The following BRIP1 variants were observed in gnomAD, a reference collection of about 807,000 sequenced individuals.
BRIP1 encodes Fanconi anemia group J protein.
Under a neutral mutation model 119.7 loss-of-function variants are expected in BRIP1, and 88 were observed. The observed-to-expected ratio is 0.74, with a 90% CI of 0.62 to 0.88. The LOEUF is 0.88. BRIP1 is among the 40% of genes least tolerant of loss of function. The pLI is 0.00. For synonymous variants in BRIP1, 443 were observed against 496.5 expected (o/e 0.89, Z 1.43); for missense variants, 1,259 against 1,455.4 (o/e 0.87, Z 2.20).
intron 6 of BRIP1, among the ~76,000 whole-genome samples, chr17:61,826,060 G>T (rs1203861851): frequency 6.6e-6 from 1 of 152,082 alleles, no homozygotes; most frequent in Non-Finnish European, 1.5e-5. Flanking sequence ...CAGATACATA[G>T]ACCAATGAAA....
Position 61,831,190 on chromosome 17 carries a change from T to A in BRIP1, c.627+15911A>T, listed in dbSNP as rs1235446196. On this transcript the variant is annotated intron_variant, in intron 6 of 19. Transcript: ENST00000259008. The surrounding 1 kb of genome is among the most constrained non-coding windows in gnomAD (Gnocchi z 4.1). ...CATACAGAACAGTGAGGGACCAGAA[T>A]GTTTTCCACCACAAGGTTGTGAACA... 3.3e-5 allele frequency among the ~76,000 whole-genome samples: 5 copies of A among 152,210 alleles called. No individual in the cohort carries two copies.
chr17:61,727,246 T>C (rs762040067), intron 16 of BRIP1, among the ~76,000 whole-genome samples: 7 of 152,128 alleles, frequency 4.6e-5, no homozygotes, highest in Non-Finnish European at 8.8e-5. Context: ...AATAGTAGCA[T>C]AAAAAGTAAA....
At chr17:61,697,842 G>A (rs887654198) in intron 17 of BRIP1, among the ~76,000 whole-genome samples, 2 of 150,932 alleles carry the variant, frequency 1.3e-5, no homozygotes, top group Non-Finnish European at 2.9e-5. Flanking sequence ...GTCTCGCTCT[G>A]TCAGCCAGGA....
rs941022773 is a variant in BRIP1 at position 61,770,870 on chromosome 17, A to G, written c.2097+5531T>C. On this transcript the variant is annotated intron_variant, in intron 14 of 19. Coordinates refer to ENST00000259008, the MANE Select transcript of BRIP1 (RefSeq NM_032043.3). The surrounding 1 kb of genome is among the most constrained non-coding windows in gnomAD (Gnocchi z 4.7). Reference sequence around the variant, plus strand: ...GGCAATGATAGAGAAATAGAGGGGGAAAAGGCACCAGATATACAGAAAACA... The same window carrying G: ...GGCAATGATAGAGAAATAGAGGGGGGAAAGGCACCAGATATACAGAAAACA... Among the ~76,000 whole-genome samples the G allele has an allele frequency of 2.0e-5, 3 of 152,308 alleles. No individual in the cohort carries two copies. Among genetic ancestry groups the G allele is most frequent in the African/African-American group, 7.2e-5 (3 of 41,576 alleles).
rs1252625808 is a variant in BRIP1 at position 61,848,564 on chromosome 17, T to C, written c.507+565A>G. On this transcript the variant is annotated intron_variant, in intron 5 of 19. Coordinates refer to ENST00000259008, the MANE Select transcript of BRIP1 (RefSeq NM_032043.3). This position sits in a 1 kb window ranked among gnomAD's most constrained non-coding sequence, Gnocchi z 4.3. The stretch of plus-strand genomic sequence containing the variant: ...AAATCTATTAAAATCCCAGCCTTCC[T>C]ATCTCACTGCCATGAATTCTGAGAA... Among the ~76,000 whole-genome samples, 3 of 152,192 alleles carry C rather than the reference T, an allele frequency of 2.0e-5. No homozygotes were observed. The highest frequency in any genetic ancestry group is 4.4e-5 in the Non-Finnish European group (3 of 68,036).
Position 61,716,060 on chromosome 17 carries a change from C to T in BRIP1, c.2383G>A (p.Glu795Lys). Residue 795 changes from glutamate to lysine, a missense_variant, in exon 17 of 20, where the codon GAA becomes AAA. Coordinates refer to ENST00000259008, the MANE Select transcript of BRIP1 (RefSeq NM_032043.3). ...PFPNVKDLQV[E>K]LKRQYNDHHS... ...TGGTCATTGTATTGTCGTTTTAGTTCAACCTAATAATTTTAAAATATATTT... is the reference window on the plus strand; with the variant it reads ...TGGTCATTGTATTGTCGTTTTAGTTTAACCTAATAATTTTAAAATATATTT... The T allele has an allele frequency of 6.4e-7, 1 of 1,572,026 alleles. No individual in the cohort carries two copies. The highest frequency in any genetic ancestry group is 8.7e-7 in the Non-Finnish European group (1 of 1,151,150).
intron 3 of BRIP1, among the ~76,000 whole-genome samples, chr17:61,858,273 C>T (rs115020105): frequency 6.6e-6 from 1 of 152,236 alleles, no homozygotes; most frequent in African/African-American, 2.4e-5. Flanking sequence ...TTCCAGACAT[C>T]TGCCATTAAG....
intron 4 of BRIP1, among the ~76,000 whole-genome samples, chr17:61,850,260 G>A (rs901272953): frequency 1.3e-5 from 2 of 151,766 alleles, no homozygotes; most frequent in African/African-American, 4.8e-5. Flanking sequence ...GTGCCACCAC[G>A]CCTGGCTAAT....
At chr17:61,839,591 T>C (rs530071643) in intron 6 of BRIP1, among the ~76,000 whole-genome samples, 6 of 152,254 alleles carry the variant, frequency 3.9e-5, no homozygotes, top group Admixed American at 1.3e-4. Context: ...TCTTACATCT[T>C]CTTGCAAACA....
At chr17:61,719,333 G>A (rs946776662) in intron 16 of BRIP1, among the ~76,000 whole-genome samples, 2 of 151,572 alleles carry the variant, frequency 1.3e-5, no homozygotes, top group Admixed American at 6.6e-5. Context: ...TGTTATTCAC[G>A]GCAACATGGA....
rs1240391643 is a variant in BRIP1 at position 61,699,539 on chromosome 17, A to G, written c.2493-6027T>C. 1.3e-5 allele frequency among the ~76,000 whole-genome samples: 2 copies of G among 152,328 alleles called. No homozygotes were observed. The highest frequency in any genetic ancestry group is 2.9e-5 in the Non-Finnish European group (2 of 68,020). On this transcript the variant is annotated intron_variant, in intron 17 of 19. Coordinates refer to ENST00000259008, the MANE Select transcript of BRIP1 (RefSeq NM_032043.3). The surrounding 1 kb of genome is among the most constrained non-coding windows in gnomAD (Gnocchi z 4.8). ...GCCAACTTAATTTCAATAGTACAAA[A>G]AAATGGTCCTTCTGTTCCCTCATCT...
chr17:61,854,155 A>G (rs79586857), intron 4 of BRIP1, among the ~76,000 whole-genome samples: 1 of 152,154 alleles, frequency 6.6e-6, no homozygotes, highest in East Asian at 1.9e-4. Flanking sequence ...AGTAGTCTCA[A>G]CTACTAGGGA....
intron 13 of BRIP1, among the ~76,000 whole-genome samples, chr17:61,779,402 G>A (rs991069346): frequency 3.3e-5 from 5 of 151,950 alleles, no homozygotes; most frequent in African/African-American, 7.3e-5. Flanking sequence ...CATAGCAAGC[G>A]ACCTTGTCTC....
rs1229073974 is a variant in BRIP1 at position 61,729,715 on chromosome 17, C to T, written c.2379+13298G>A. ...ATAAATCATAATTTAAAAACAAATG[C>T]AGATTATTAATTTTAATTTATTGTA... On this transcript the variant is annotated intron_variant, in intron 16 of 19. Coordinates refer to ENST00000259008, the MANE Select transcript of BRIP1 (RefSeq NM_032043.3). This position sits in a 1 kb window ranked among gnomAD's most constrained non-coding sequence, Gnocchi z 5.6. Among the ~76,000 whole-genome samples, 2 of 152,054 alleles carry T rather than the reference C, an allele frequency of 1.3e-5. No individual in the cohort carries two copies. Among genetic ancestry groups the T allele is most frequent in the Non-Finnish European group, 2.9e-5 (2 of 68,006 alleles).
In BRIP1 at chr17:61,828,880, T is replaced by C. The variant is rs570479988; in HGVS notation, c.627+18221A>G. 5.9e-4 allele frequency among the ~76,000 whole-genome samples: 90 copies of C among 152,324 alleles called. No homozygotes were observed. The highest frequency in any genetic ancestry group is 6.6e-4 in the Non-Finnish European group (45 of 68,020). ...CGGAAGTATATTGGCAGAAGGTTCT[T>C]ACACATTATTTGTGAGTTGAAATAT... On this transcript the variant is annotated intron_variant, in intron 6 of 19. Transcript: ENST00000259008. This position sits in a 1 kb window ranked among gnomAD's most constrained non-coding sequence, Gnocchi z 4.1.
chr17:61,700,652 A>C lies in BRIP1; in HGVS notation c.2493-7140T>G, dbSNP rs1297647849. ...ATCTCCCTGAGTTCATCCTACTTGG[A>C]GTTCGCTTATCTTCTTGGATGTATA... On this transcript the variant is annotated intron_variant, in intron 17 of 19. Transcript: ENST00000259008. The surrounding 1 kb of genome is among the most constrained non-coding windows in gnomAD (Gnocchi z 4.1). 6.6e-6 allele frequency among the ~76,000 whole-genome samples: 1 copy of C among 152,114 alleles called. No homozygotes were observed. Among genetic ancestry groups the C allele is most frequent in the Admixed American group, 6.6e-5 (1 of 15,266 alleles).
chr17:61,750,219 T>C (rs2077113640), intron 14 of BRIP1, among the ~76,000 whole-genome samples: 1 of 152,214 alleles, frequency 6.6e-6, no homozygotes, highest in South Asian at 2.1e-4. Flanking sequence ...ATTTGTATCA[T>C]GAAAGTGTGC....
chr17:61,773,450 T>C (rs2077488338), intron 14 of BRIP1, among the ~76,000 whole-genome samples: 1 of 152,026 alleles, frequency 6.6e-6, no homozygotes, highest in Non-Finnish European at 1.5e-5. Context: ...CCTAAAACCA[T>C]AAAAACCCTA....
At chr17:61,723,176 C>G (rs1394655947) in intron 16 of BRIP1, among the ~76,000 whole-genome samples, 1 of 152,146 alleles carries the variant, frequency 6.6e-6, no homozygotes, top group Non-Finnish European at 1.5e-5. Flanking sequence ...GATTATCAAG[C>G]ATGAAAATCA....
Sources: allele counts gnomAD v4.1 joint callset (sites outside exome capture counted in the v4.1 genomes callset), GRCh38; gene constraint gnomAD v4.1.1; non-coding constraint Gnocchi (gnomAD v3.1); transcripts MANE v1.5; gene names NCBI Gene and HGNC (gene_info 2026-07-23, HGNC 2026-07-21).